Variants in GPBP1 observed in about 807,000 individuals in gnomAD.
GPBP1 encodes vasculin.
A neutral mutation model predicts 56.5 loss-of-function variants in GPBP1; 13 were observed. The ratio of observed to expected loss-of-function variants is 0.23; its 90% confidence interval spans 0.15 to 0.37. The LOEUF (loss-of-function observed/expected upper bound fraction) is 0.37, where lower values mean the gene tolerates loss of function less well. Ranked by LOEUF, GPBP1 falls within the 10% of genes least tolerant of loss-of-function variation. The probability of loss-of-function intolerance (pLI) is 1.00; values close to 1 mark genes in which losing one functional copy is unlikely to be tolerated. For missense variants in GPBP1, 477 were observed against 572.3 expected (o/e 0.83, Z 1.70); for synonymous variants, 204 against 188.9 (o/e 1.08, Z -0.66).
rs139186163 is a variant in GPBP1, at chr5:57,209,130, G to A, written c.-57-4944G>A. Among the ~76,000 whole-genome samples the A allele has an allele frequency of 2.1e-3, 314 of 152,246 alleles. 2 individuals carry two copies. The highest frequency in any genetic ancestry group is 3.8e-3 in the Non-Finnish European group (261 of 68,020). The stretch of plus-strand genomic sequence containing the variant: ...TAATTTCTTTTTTGGATTGTTAATA[G>A]TGTATACACAAACAGCTGTTTTTGT... On this transcript the variant is annotated intron_variant, in intron 2 of 11. Transcript: ENST00000506184.
intron 10 of GPBP1, among the ~76,000 whole-genome samples, chr5:57,259,134 A>G (rs143506862): frequency 2.0e-5 from 3 of 152,358 alleles, no homozygotes; most frequent in African/African-American, 7.2e-5. Flanking sequence ...AGAAATGATT[A>G]ATGCTGACTG....
chr5:57,238,643 T>C (rs1740658921), intron 6 of GPBP1, among the ~76,000 whole-genome samples: 1 of 152,192 alleles, frequency 6.6e-6, no homozygotes, highest in Admixed American at 6.6e-5. Flanking sequence ...TTTGTGCCAG[T>C]GACCATGTCA....
chr5:57,245,608 T>C (rs1205124744), intron 6 of GPBP1: 1 of 152,172 alleles, frequency 6.6e-6, no homozygotes, highest in African/African-American at 2.4e-5. Context: ...CACACACACA[T>C]TGATTAAATT....
intron 2 of GPBP1, among the ~76,000 whole-genome samples, chr5:57,210,434 A>T (rs879938515): frequency 9.9e-5 from 15 of 152,248 alleles, no homozygotes; most frequent in South Asian, 4.1e-4. Flanking sequence ...CTTAAAAAAA[A>T]TTTTTTTAAG....
At position 57,176,212 on chromosome 5, in the gene GPBP1, C is replaced by T. The variant is rs1753782956; in HGVS notation, c.-246C>T. On this transcript the variant is annotated 5_prime_UTR_variant, in exon 2 of 12. Transcript: ENST00000506184. Reference sequence around the variant, plus strand: ...AGAACTTGGCTAATTCGGGAGATAGCCATATGAAAACTTTAAAACAGAAGT... The same window carrying T: ...AGAACTTGGCTAATTCGGGAGATAGTCATATGAAAACTTTAAAACAGAAGT... The T allele has an allele frequency of 5.1e-6, 2 of 389,926 alleles. No individual in the cohort carries two copies. The highest frequency in any genetic ancestry group is 4.5e-6 in the Non-Finnish European group (1 of 221,368). 24.2% of individuals were successfully genotyped at this position (389,926 alleles called of 1,614,324 possible). A position where few individuals can be genotyped will look rare whatever the true frequency, so the allele number is the denominator to read the frequency against.
chr5:57,213,120 C>A (rs953141365), intron 2 of GPBP1, among the ~76,000 whole-genome samples: 1 of 151,984 alleles, frequency 6.6e-6, no homozygotes, highest in Non-Finnish European at 1.5e-5. Context: ...GTGGCGTGAT[C>A]TTGGCTTACT....
rs148787543 is a variant in GPBP1 at position 57,225,940 on chromosome 5, A to G, written c.64-4906A>G. On this transcript the variant is annotated intron_variant, in intron 3 of 11. Transcript: ENST00000506184. ...TTCGTTATGATTAATAACAATTCAT[A>G]TGCTTATCCAGATACCTGAAAGTTA... Among the ~76,000 whole-genome samples, 480 of 152,348 alleles carry G rather than the reference A, an allele frequency of 3.2e-3. 4 individuals are homozygous for G. Among genetic ancestry groups the G allele is most frequent in the African/African-American group, 0.011 (458 of 41,592 alleles).
At position 57,224,949 on chromosome 5, in the gene GPBP1, G is replaced by C. The variant is rs532028925; in HGVS notation, c.64-5897G>C. ...TCCCCCTACAGTATCCATTGAGAAC[G>C]AAGGTAGGGGACACAGTGGATCACT... On this transcript the variant is annotated intron_variant, in intron 3 of 11. Coordinates refer to ENST00000506184, the MANE Select transcript of GPBP1 (RefSeq NM_022913.4). 2.0e-5 allele frequency among the ~76,000 whole-genome samples: 3 copies of C among 151,472 alleles called. No individual in the cohort carries two copies. In the South Asian group the frequency reaches 6.3e-4, roughly 32 times the overall value.
At chr5:57,247,883 A>G (rs1179862099) in intron 8 of GPBP1, among the ~76,000 whole-genome samples, 1 of 151,910 alleles carries the variant, frequency 6.6e-6, no homozygotes, top group Non-Finnish European at 1.5e-5. Context: ...GTCTAGGACT[A>G]CAGGTGCTTG....
intron 3 of GPBP1, among the ~76,000 whole-genome samples, chr5:57,224,955 A>G (rs1259497658): frequency 1.1e-4 from 17 of 151,812 alleles, no homozygotes; most frequent in Non-Finnish European, 1.9e-4. Context: ...GAACGAAGGT[A>G]GGGGACACAG....
intron 3 of GPBP1, among the ~76,000 whole-genome samples, chr5:57,216,028 A>ATCT (rs1346346495): frequency 6.6e-6 from 1 of 152,142 alleles, no homozygotes; most frequent in Non-Finnish European, 1.5e-5. Context: ...AATAGCCTGA[A>ATCT]TCTGAGTTTT....
At chr5:57,219,366 ACT>A (rs1338872256) in intron 3 of GPBP1, among the ~76,000 whole-genome samples, 1 of 115,912 alleles carries the variant, frequency 8.6e-6, no homozygotes, top group Non-Finnish European at 1.7e-5. Context: ...ACAGAGCGAG[ACT>A]CTGTCTCAAA....
chr5:57,227,441 G>C (rs536090950), intron 3 of GPBP1, among the ~76,000 whole-genome samples: 45 of 152,232 alleles, frequency 3.0e-4, no homozygotes, highest in African/African-American at 1.1e-3. Flanking sequence ...TGATCCACCT[G>C]CCTCAGCCTC....
chr5:57,256,775 A>T (rs1010889283), intron 10 of GPBP1, among the ~76,000 whole-genome samples: 3 of 152,062 alleles, frequency 2.0e-5, no homozygotes, highest in African/African-American at 7.3e-5. Context: ...TAAATTTCTT[A>T]GTTTGAGTTT....
intron 2 of GPBP1, among the ~76,000 whole-genome samples, chr5:57,177,043 T>TA (rs1753815454): frequency 6.6e-6 from 1 of 152,214 alleles, no homozygotes; most frequent in African/African-American, 2.4e-5. Flanking sequence ...AAGAGGGTAT[T>TA]ACCAGGACCA....
chr5:57,224,586 C>T (rs1053510402), intron 3 of GPBP1, among the ~76,000 whole-genome samples: 1 of 152,124 alleles, frequency 6.6e-6, no homozygotes, highest in Non-Finnish European at 1.5e-5. Context: ...GCTGGGACTA[C>T]AGGTGCGCAC....
At chr5:57,258,182 T>G (rs547897206) in intron 10 of GPBP1, among the ~76,000 whole-genome samples, 67 of 152,248 alleles carry the variant, frequency 4.4e-4, no homozygotes, top group Admixed American at 2.0e-3. Flanking sequence ...GGCAATAGTT[T>G]GAAGGAGAGT....
rs900504544 is a variant in GPBP1, at chr5:57,200,774, C to T, written c.-57-13300C>T. The stretch of plus-strand genomic sequence containing the variant: ...TCCGCTCACTGCAAGCTTCGCCTCC[C>T]GGGTTCACGCCATTCTCCTGCCTCA... On this transcript the variant is annotated intron_variant, in intron 2 of 11. Coordinates refer to ENST00000506184, the MANE Select transcript of GPBP1 (RefSeq NM_022913.4). Among the ~76,000 whole-genome samples the T allele has an allele frequency of 1.4e-4, 22 of 152,068 alleles. 1 individual carries two copies. Among genetic ancestry groups the T allele is most frequent in the African/African-American group, 4.3e-4 (18 of 41,404 alleles).
chr5:57,236,642 GCATTTTA>G (rs142527892), intron 6 of GPBP1, among the ~76,000 whole-genome samples: 1,960 of 151,940 alleles, frequency 0.013, 41 homozygotes, highest in African/African-American at 0.044. Context: ...CAATTTGTTA[GCATTTTA>G]CAGAAGATTA....
Sources: allele counts gnomAD v4.1 joint callset (sites outside exome capture counted in the v4.1 genomes callset), GRCh38; gene constraint gnomAD v4.1.1; transcripts MANE v1.5; gene names NCBI Gene and HGNC (gene_info 2026-07-23, HGNC 2026-07-21).